RAB2A: variants seen among roughly 807,000 people sequenced by gnomAD.
RAB2A encodes RAB2A, member RAS oncogene family, also known as ras-related protein Rab-2A.
In RAB2A, 7 loss-of-function variants were observed where a neutral mutation model predicts 32.5. That is an observed-to-expected ratio of 0.22 (90% CI 0.12 to 0.40). The LOEUF is 0.40. Ranked by LOEUF, RAB2A falls within the 10% of genes least tolerant of loss-of-function variation. The pLI is 1.00. For synonymous variants in RAB2A, 79 were observed against 85.2 expected (o/e 0.93, Z 0.40); for missense variants, 108 against 260.7 (o/e 0.41, Z 4.03).
intron 1 of RAB2A, among the ~76,000 whole-genome samples, chr8:60,525,985 GTA>G (rs1467763987): frequency 4.4e-5 from 5 of 113,752 alleles, no homozygotes; most frequent in South Asian, 2.7e-4. Context: ...ATGTCTATAT[GTA>G]TATATGTCTA....
At chr8:60,525,250 T>A (rs1807361136) in intron 1 of RAB2A, among the ~76,000 whole-genome samples, 1 of 152,196 alleles carries the variant, frequency 6.6e-6, no homozygotes, top group Admixed American at 6.5e-5. Context: ...CTGGTGATAG[T>A]GAGTGCTCAT....
At chr8:60,547,557 C>T (rs142097037) in intron 1 of RAB2A, among the ~76,000 whole-genome samples, 18,790 of 139,540 alleles carry the variant, frequency 0.13, 1,355 homozygotes, top group East Asian at 0.23. Context: ...CTGGATGGGG[C>T]GGCTGGCTGG....
At chr8:60,540,230 G>A (rs188397275) in intron 1 of RAB2A, among the ~76,000 whole-genome samples, 8 of 150,720 alleles carry the variant, frequency 5.3e-5, no homozygotes, top group East Asian at 1.9e-4. Context: ...GCAGTCATAC[G>A]TAGAATAGAT....
At chr8:60,567,211 G>A (rs747339828) in intron 2 of RAB2A, among the ~76,000 whole-genome samples, 4 of 151,494 alleles carry the variant, frequency 2.6e-5, no homozygotes, top group Admixed American at 1.3e-4. Flanking sequence ...CACCTCTTGG[G>A]TTCAAGTAAT....
At chr8:60,545,329 A>G (rs1807711262) in intron 1 of RAB2A, among the ~76,000 whole-genome samples, 1 of 152,058 alleles carries the variant, frequency 6.6e-6, no homozygotes, top group African/African-American at 2.4e-5. Flanking sequence ...TTTGGAGATA[A>G]GGTTTCACAC....
intron 3 of RAB2A, among the ~76,000 whole-genome samples, chr8:60,579,563 C>G (rs1218928483): frequency 6.6e-6 from 1 of 152,138 alleles, no homozygotes; most frequent in East Asian, 1.9e-4. Context: ...TTTCAAGCTT[C>G]CAAAATCCCT....
chr8:60,551,693 A>G (rs1807849593), intron 1 of RAB2A, among the ~76,000 whole-genome samples: 2 of 151,940 alleles, frequency 1.3e-5, no homozygotes, highest in Non-Finnish European at 2.9e-5. Context: ...TTTTATTTTT[A>G]CTATTTTTAT....
intron 1 of RAB2A, among the ~76,000 whole-genome samples, chr8:60,534,620 G>A (rs1476109009): frequency 6.6e-6 from 1 of 152,192 alleles, no homozygotes. Context: ...ACTGAGTTGG[G>A]CTGCTAACAC....
At chr8:60,541,217 A>G (rs956359780) in intron 1 of RAB2A, among the ~76,000 whole-genome samples, 6 of 152,208 alleles carry the variant, frequency 3.9e-5, no homozygotes, top group Admixed American at 1.3e-4. Flanking sequence ...CAAAATACCT[A>G]ATCAGTACTC....
At chr8:60,618,459 T>A in intron 6 of RAB2A, 121 bp from the exon 7 acceptor site, 1 of 362,864 alleles carries the variant, frequency 2.8e-6, no homozygotes, top group Non-Finnish European at 4.5e-6. Context: ...TGTTCTTTAT[T>A]AATATGTATT....
chr8:60,611,986 G>C (rs1031302460), intron 6 of RAB2A, among the ~76,000 whole-genome samples: 1 of 151,956 alleles, frequency 6.6e-6, no homozygotes, highest in African/African-American at 2.4e-5. Flanking sequence ...TTTTTTTTAA[G>C]TTCTGGGATA....
chr8:60,529,464 G>A (rs1315013720), intron 1 of RAB2A, among the ~76,000 whole-genome samples: 1 of 152,140 alleles, frequency 6.6e-6, no homozygotes, highest in Non-Finnish European at 1.5e-5. Context: ...GCGTGAATTT[G>A]GGGGCTAATT....
intron 1 of RAB2A, among the ~76,000 whole-genome samples, chr8:60,526,835 G>A (rs1226177410): frequency 3.9e-5 from 6 of 152,072 alleles, no homozygotes; most frequent in Admixed American, 2.0e-4. Flanking sequence ...CAGGCGTGGC[G>A]GCATGCGCCT....
intron 6 of RAB2A, among the ~76,000 whole-genome samples, chr8:60,601,916 C>G (rs1426446430): frequency 6.6e-6 from 1 of 152,158 alleles, no homozygotes; most frequent in African/African-American, 2.4e-5. Context: ...GAGACAGGGT[C>G]TCACTCTGTC....
intron 1 of RAB2A, among the ~76,000 whole-genome samples, chr8:60,555,298 T>C (rs909011130): frequency 6.6e-6 from 1 of 152,074 alleles, no homozygotes; most frequent in African/African-American, 2.4e-5. Context: ...TTCAGGACAT[T>C]GGTCAAGGCA....
chr8:60,619,950 C>G (rs1192912120), intron 7 of RAB2A, among the ~76,000 whole-genome samples: 2 of 152,244 alleles, frequency 1.3e-5, no homozygotes, highest in African/African-American at 4.8e-5. Context: ...GAAACCACAT[C>G]AGCTGCTGTC....
At position 60,571,644 on chromosome 8, in the gene RAB2A, T is replaced by C. The variant is rs372928197; in HGVS notation, c.119-402T>C. ...CATGCTTGGAACCAATACTATGATA[T>C]TGAAATATATCTATCCCTTTTAGTG... On this transcript the variant is annotated intron_variant, in intron 2 of 7. Coordinates refer to ENST00000262646, the MANE Select transcript of RAB2A (RefSeq NM_002865.3). Among the ~76,000 whole-genome samples, 4 of 152,208 alleles carry C rather than the reference T, an allele frequency of 2.6e-5. 1 individual carries two copies. In the South Asian group the frequency reaches 8.3e-4, roughly 31 times the overall value.
chr8:60,620,311 G>A (rs1804508333), intron 7 of RAB2A, among the ~76,000 whole-genome samples: 1 of 152,186 alleles, frequency 6.6e-6, no homozygotes, highest in African/African-American at 2.4e-5. Flanking sequence ...CTAGAGAAAA[G>A]ATTTTACGTT....
At chr8:60,611,320 C>T (rs539210228) in intron 6 of RAB2A, among the ~76,000 whole-genome samples, 1 of 152,300 alleles carries the variant, frequency 6.6e-6, no homozygotes, top group South Asian at 2.1e-4. Context: ...TGGCCGTCCT[C>T]AGCTTCCAAC....
Sources: gnomAD v4.1 joint callset for allele counts (sites outside exome capture counted in the v4.1 genomes callset) on GRCh38, gnomAD v4.1.1 for gene constraint, MANE v1.5 for transcripts, NCBI Gene and HGNC (gene_info 2026-07-23, HGNC 2026-07-21) for gene names.